The following ZNF469 variants were observed in gnomAD, a reference collection of about 807,000 sequenced individuals.
ZNF469 encodes the protein zinc finger protein 469.
A neutral mutation model predicts 1.0 loss-of-function variants in ZNF469; 1 was observed. The ratio of observed to expected loss-of-function variants is 1.00; its 90% confidence interval spans 0.35 to 4.73. ZNF469 has a LOEUF of 4.73. ZNF469 is among the 30% of genes most tolerant of loss of function. The probability of loss-of-function intolerance (pLI) is 0.16; values close to 1 mark genes in which losing one functional copy is unlikely to be tolerated. For missense variants in ZNF469, 6,100 were observed against 5,356.3 expected (o/e 1.14, Z -4.33); for synonymous variants, 2,703 against 2,363.4 (o/e 1.14, Z -4.17).
the ZNF469 span, among the ~76,000 whole-genome samples, chr16:88,135,609 C>T: frequency 2.1e-4 from 32 of 152,246 alleles, no homozygotes; most frequent in African/African-American, 7.2e-4. Context: ...CAGGGGAGCA[C>T]TCACACCCGG....
the ZNF469 span, among the ~76,000 whole-genome samples, chr16:88,113,117 GC>G: frequency 6.6e-6 from 1 of 152,156 alleles, no homozygotes; most frequent in Non-Finnish European, 1.5e-5. Context: ...GGCCCCATTT[GC>G]CTGTGTTTGC....
chr16:88,384,041 G>C (rs1479699389), intron 1 of ZNF469, among the ~76,000 whole-genome samples: 1 of 152,246 alleles, frequency 6.6e-6, no homozygotes, highest in Non-Finnish European at 1.5e-5. Flanking sequence ...CGGGGGCGGG[G>C]GGGCAGCTCA....
At chr16:88,415,897 C>T (rs1349536265) in intron 1 of ZNF469, among the ~76,000 whole-genome samples, 2 of 152,234 alleles carry the variant, frequency 1.3e-5, no homozygotes, top group African/African-American at 4.8e-5. Flanking sequence ...CAAGCTGGGG[C>T]GGCAGGCACG....
chr16:88,154,495 T>C, the ZNF469 span, among the ~76,000 whole-genome samples: 1 of 152,346 alleles, frequency 6.6e-6, no homozygotes, highest in East Asian at 1.9e-4. Context: ...AAAAACACTT[T>C]GGGAAGAACC....
chr16:88,137,010 G>A, the ZNF469 span, among the ~76,000 whole-genome samples: 42 of 152,340 alleles, frequency 2.8e-4, no homozygotes, highest in South Asian at 4.1e-4. Flanking sequence ...TTGTGTGTGC[G>A]TATAGCCATG....
Position 88,398,987 on chromosome 16 carries a change from A to G in ZNF469, c.-192+15733A>G, listed in dbSNP as rs142209108. On this transcript the variant is annotated intron_variant, in intron 1 of 2. Transcript: ENST00000565624. ...TATTTTTAACCTCATTTAACAGATA[A>G]GAAAACACAGCATAGAGACGTTAAC... 3.2e-3 allele frequency among the ~76,000 whole-genome samples: 492 copies of G among 152,376 alleles called. 1 individual carries two copies. Among genetic ancestry groups the G allele is most frequent in the Admixed American group, 5.2e-3 (79 of 15,310 alleles).
At chr16:88,422,185 G>A (rs573694556) in intron 1 of ZNF469, among the ~76,000 whole-genome samples, 39 of 149,360 alleles carry the variant, frequency 2.6e-4, no homozygotes, top group African/African-American at 9.4e-4. Flanking sequence ...GGAGGATGGG[G>A]GGACGGGCAC....
At chr16:88,141,196 G>A in the ZNF469 span, among the ~76,000 whole-genome samples, 190 of 152,336 alleles carry the variant, frequency 1.2e-3, 1 homozygote, top group African/African-American at 3.8e-3. Context: ...GTATAATTCT[G>A]GTGGAGGAAA....
chr16:88,117,021 A>G, the ZNF469 span, among the ~76,000 whole-genome samples: 7,698 of 152,098 alleles, frequency 0.051, 336 homozygotes, highest in East Asian at 0.24. Flanking sequence ...GAGAATCTGA[A>G]CCGGCCCTGT....
chr16:88,436,691 G>A lies in ZNF469; in HGVS notation c.9221G>A (p.Ser3074Asn). 1 of 1,550,192 alleles carries A rather than the reference G, an allele frequency of 6.5e-7. No homozygotes were observed. The highest frequency in any genetic ancestry group is 8.7e-7 in the Non-Finnish European group (1 of 1,146,860). ...GACCCCGTGGGTCTCCCCGGCCCCA[G>A]CTTCTTAGACTTCGAGGGCACGGCG... is the stretch of plus-strand genomic sequence containing the variant. ...FEDPVGLPGP[S>N]FLDFEGTASS... The change falls in exon 3 of 3, where the codon AGC (serine) becomes AAC (asparagine). Residue 3074 changes from serine (S) to asparagine (N), a missense_variant. Transcript: ENST00000565624.
chr16:88,363,210 A>G, the ZNF469 span, among the ~76,000 whole-genome samples: 1 of 152,060 alleles, frequency 6.6e-6, no homozygotes, highest in African/African-American at 2.4e-5. Flanking sequence ...GTCTCTGTTG[A>G]TTGTCTTTGC....
At chr16:88,128,375 T>C in the ZNF469 span, among the ~76,000 whole-genome samples, 242 of 152,300 alleles carry the variant, frequency 1.6e-3, 2 homozygotes, top group African/African-American at 5.4e-3. Context: ...ATATAGCATA[T>C]TTTTTAAAAT....
chr16:88,436,326 C>A lies in ZNF469; in HGVS notation c.8856C>A (p.Asp2952Glu), dbSNP rs766581620. The A allele has an allele frequency of 1.9e-6, 3 of 1,549,638 alleles. No homozygotes were observed. Among genetic ancestry groups the A allele is most frequent in the Non-Finnish European group, 1.7e-6 (2 of 1,146,448 alleles). Residue 2952 changes from aspartate to glutamate, a missense_variant, in exon 3 of 3, where the codon GAC becomes GAA. Coordinates refer to ENST00000565624, the MANE Select transcript of ZNF469 (RefSeq NM_001367624.2). ...GFLNSRVPGI[D>E]PWAPGLSLWA... Reference sequence around the variant, plus strand: ...TCAATAGCAGGGTGCCTGGCATTGACCCCTGGGCCCCCGGCCTCAGCCTGT... The same window carrying A: ...TCAATAGCAGGGTGCCTGGCATTGAACCCTGGGCCCCCGGCCTCAGCCTGT...
the ZNF469 span, among the ~76,000 whole-genome samples, chr16:88,116,021 C>G: frequency 6.6e-6 from 1 of 152,224 alleles, no homozygotes. Context: ...GGGAAAGGCT[C>G]TTTGATGAGG....
upstream of ZNF469, among the ~76,000 whole-genome samples, chr16:88,381,287 C>G (rs376053367): frequency 6.7e-6 from 1 of 149,266 alleles, no homozygotes; most frequent in East Asian, 2.0e-4. Context: ...CTCACACACA[C>G]GCACTCACAC....
chr16:88,345,200 C>T, the ZNF469 span, among the ~76,000 whole-genome samples: 3 of 152,204 alleles, frequency 2.0e-5, no homozygotes, highest in African/African-American at 7.2e-5. Flanking sequence ...GCTCCATTTC[C>T]ATCCTTGCTC....
the ZNF469 span, among the ~76,000 whole-genome samples, chr16:88,310,675 T>C: frequency 1.3e-5 from 2 of 152,004 alleles, no homozygotes; most frequent in Non-Finnish European, 2.9e-5. Context: ...CTCCACCTCC[T>C]GGGTTCAAGC....
the ZNF469 span, among the ~76,000 whole-genome samples, chr16:88,300,712 A>G: frequency 6.6e-5 from 10 of 152,192 alleles, no homozygotes; most frequent in East Asian, 1.6e-3. Flanking sequence ...GGGGAGCTCC[A>G]TGATGACTCC....
chr16:88,351,129 T>A, the ZNF469 span, among the ~76,000 whole-genome samples: 1 of 152,148 alleles, frequency 6.6e-6, no homozygotes, highest in African/African-American at 2.4e-5. Flanking sequence ...TCACTCCAGG[T>A]GCTCAGGAAA....
Sources: allele counts gnomAD v4.1 joint callset (sites outside exome capture counted in the v4.1 genomes callset), GRCh38; gene constraint gnomAD v4.1.1; transcripts MANE v1.5; gene names NCBI Gene and HGNC (gene_info 2026-07-23, HGNC 2026-07-21).